The following TBC1D5 variants were observed in gnomAD, a reference collection of about 807,000 sequenced individuals.
TBC1D5 encodes TBC1 domain family member 5.
In TBC1D5, 75 loss-of-function variants were observed where a neutral mutation model predicts 100.3. The ratio of observed to expected loss-of-function variants is 0.75; its 90% CI spans 0.62 to 0.91. TBC1D5 has a LOEUF of 0.91. TBC1D5 is among the 40% of genes least tolerant of loss of function. The pLI, the probability that TBC1D5 is intolerant of heterozygous loss-of-function variation, is 0.00. For synonymous variants in TBC1D5, 323 were observed against 325.6 expected (o/e 0.99, Z 0.09); for missense variants, 910 against 942.4 (o/e 0.97, Z 0.45).
intron 2 of TBC1D5, among the ~76,000 whole-genome samples, chr3:17,555,872 ACCGACCTTT>A (rs966428939): frequency 1.3e-5 from 2 of 152,172 alleles, no homozygotes; most frequent in Non-Finnish European, 2.9e-5. Context: ...ACAAGCCATG[ACCGACCTTT>A]CCATTCCTGT....
intron 3 of TBC1D5, among the ~76,000 whole-genome samples, chr3:17,472,318 T>G (rs1471246987): frequency 6.6e-6 from 1 of 151,990 alleles, no homozygotes; most frequent in Non-Finnish European, 1.5e-5. Context: ...TTTGTATTTT[T>G]TGTAGAGATG....
intron 13 of TBC1D5, among the ~76,000 whole-genome samples, chr3:17,319,727 G>A (rs1046995710): frequency 6.6e-5 from 10 of 152,006 alleles, no homozygotes; most frequent in Non-Finnish European, 1.2e-4. Context: ...AAAATTAGCC[G>A]GGTGGGGTGG....
At chr3:17,557,158 T>C (rs112704287) in intron 2 of TBC1D5, among the ~76,000 whole-genome samples, 27 of 152,298 alleles carry the variant, frequency 1.8e-4, no homozygotes, top group African/African-American at 3.4e-4. Flanking sequence ...TGTTGGTAAA[T>C]AGAACCAGAT....
intron 2 of TBC1D5, among the ~76,000 whole-genome samples, chr3:17,551,816 T>C (rs1316405422): frequency 6.6e-6 from 1 of 152,146 alleles, no homozygotes; most frequent in Non-Finnish European, 1.5e-5. Flanking sequence ...GTTTAAATAC[T>C]GAACAGTGAT....
At chr3:17,382,949 T>C (rs1247942247) in intron 9 of TBC1D5, among the ~76,000 whole-genome samples, 1 of 152,046 alleles carries the variant, frequency 6.6e-6, no homozygotes, top group Non-Finnish European at 1.5e-5. Context: ...ATAAATGCAA[T>C]ATATTTTTCA....
chr3:17,428,806 A>G (rs965190701), intron 3 of TBC1D5, among the ~76,000 whole-genome samples: 1 of 151,940 alleles, frequency 6.6e-6, no homozygotes, highest in Non-Finnish European at 1.5e-5. Context: ...TACAGACAAA[A>G]CTAAAATTAT....
intron 2 of TBC1D5, among the ~76,000 whole-genome samples, chr3:17,555,357 C>T (rs1456510089): frequency 1.3e-5 from 2 of 152,108 alleles, no homozygotes; most frequent in African/African-American, 4.8e-5. Context: ...GGGATACATA[C>T]GACATGAATC....
intron 8 of TBC1D5, among the ~76,000 whole-genome samples, chr3:17,391,407 A>T (rs1021307921): frequency 5.9e-5 from 9 of 152,008 alleles, no homozygotes; most frequent in African/African-American, 1.9e-4. Context: ...AAACACTCCT[A>T]AGCCAGAATC....
chr3:17,295,704 T>G (rs1380151522), intron 14 of TBC1D5, among the ~76,000 whole-genome samples: 1 of 152,240 alleles, frequency 6.6e-6, no homozygotes, highest in Non-Finnish European at 1.5e-5. Flanking sequence ...TATTGAGATA[T>G]ACTTTCTTTC....
At chr3:17,651,697 CA>C (rs751334144) in intron 1 of TBC1D5, among the ~76,000 whole-genome samples, 134 of 141,790 alleles carry the variant, frequency 9.5e-4, no homozygotes, top group African/African-American at 2.6e-3. Context: ...AGACTCGTCT[CA>C]AAAAAAAAAA....
At chr3:17,612,550 A>C (rs1373793537) in intron 2 of TBC1D5, among the ~76,000 whole-genome samples, 1 of 152,082 alleles carries the variant, frequency 6.6e-6, no homozygotes, top group Non-Finnish European at 1.5e-5. Context: ...GAATACCTTG[A>C]ACCCGGGAGG....
At chr3:17,385,541 GT>G (rs1299406608) in intron 8 of TBC1D5, among the ~76,000 whole-genome samples, 1 of 151,998 alleles carries the variant, frequency 6.6e-6, no homozygotes, top group East Asian at 1.9e-4. Flanking sequence ...TCCAAGCTAG[GT>G]TTTTGGTGAA....
intron 1 of TBC1D5, among the ~76,000 whole-genome samples, chr3:17,624,595 C>CA (rs554856503): frequency 6.6e-5 from 10 of 151,352 alleles, no homozygotes; most frequent in East Asian, 3.9e-4. Context: ...TACCTAAGAA[C>CA]AAAAAAAATA....
chr3:17,381,890 C>A (rs74422922), intron 9 of TBC1D5, among the ~76,000 whole-genome samples: 17 of 151,970 alleles, frequency 1.1e-4, no homozygotes, highest in South Asian at 2.1e-4. Context: ...TTTTTCCAGA[C>A]GGAAATCCAC....
intron 13 of TBC1D5, chr3:17,340,761 G>C (rs2088757070): frequency 1.3e-5 from 2 of 152,210 alleles, no homozygotes; most frequent in Admixed American, 1.3e-4. Context: ...TCAATGATGG[G>C]GTGGGGAGGA....
Position 17,176,473 on chromosome 3 carries a change from T to A in TBC1D5, c.1852+8636A>T, listed in dbSNP as rs532619973. 1.8e-4 allele frequency among the ~76,000 whole-genome samples: 27 copies of A among 152,330 alleles called. No homozygotes were observed. The South Asian group carries it at 5.6e-3, about 32-fold the overall frequency. On this transcript the variant is annotated intron_variant, in intron 19 of 21. Coordinates refer to ENST00000253692, the Ensembl canonical transcript of TBC1D5. ...GCATAGCAAAGCTGCCAAGTATGAC[T>A]ATAATTGTTAGAAATGATCAGACTT...
chr3:17,661,411 G>A (rs1158662593), intron 1 of TBC1D5, among the ~76,000 whole-genome samples: 1 of 152,036 alleles, frequency 6.6e-6, no homozygotes, highest in African/African-American at 2.4e-5. Flanking sequence ...ACATCCAAAT[G>A]CTTCTGTATT....
chr3:17,453,022 C>T (rs1445091467), intron 3 of TBC1D5, among the ~76,000 whole-genome samples: 3 of 145,134 alleles, frequency 2.1e-5, no homozygotes, highest in African/African-American at 7.7e-5. Flanking sequence ...CAAAACTATG[C>T]AAACACATGG....
intron 13 of TBC1D5, among the ~76,000 whole-genome samples, chr3:17,363,676 G>A (rs2091903832): frequency 6.6e-6 from 1 of 151,422 alleles, no homozygotes; most frequent in Non-Finnish European, 1.5e-5. Context: ...ACCTCTCAAA[G>A]CGCTGCGATT....
Sources: allele counts gnomAD v4.1 joint callset (sites outside exome capture counted in the v4.1 genomes callset), GRCh38; gene constraint gnomAD v4.1.1; transcripts MANE v1.5; gene names NCBI Gene and HGNC (gene_info 2026-07-23, HGNC 2026-07-21).